Variants in FAM177A1 observed in about 807,000 individuals in gnomAD.
The protein encoded by FAM177A1 is family with sequence similarity 177 member A1, also known as protein FAM177A1.
In FAM177A1, 22 loss-of-function variants were observed where a neutral mutation model predicts 26.1. The observed-to-expected ratio is 0.84, with a 90% confidence interval of 0.60 to 1.20. The LOEUF is 1.20. Among genes scored for constraint, FAM177A1 ranks in the 50% most tolerant of loss-of-function variants. The pLI, the probability that FAM177A1 is intolerant of heterozygous loss-of-function variation, is 0.00. For synonymous variants in FAM177A1, 95 were observed against 99.3 expected (o/e 0.96, Z 0.26); for missense variants, 296 against 291.1 (o/e 1.02, Z -0.12).
chr14:35,064,736 C>T (rs916158499), intron 2 of FAM177A1, among the ~76,000 whole-genome samples: 38 of 150,612 alleles, frequency 2.5e-4, no homozygotes, highest in African/African-American at 7.6e-4. Context: ...CTGCAAGCTC[C>T]GCCTCCCAGG....
intron 2 of FAM177A1, among the ~76,000 whole-genome samples, chr14:35,057,068 G>A (rs1192641625): frequency 1.3e-5 from 2 of 152,032 alleles, no homozygotes; most frequent in Non-Finnish European, 2.9e-5. Context: ...GCTCTTGCCT[G>A]TATTATTTCC....
intron 3 of FAM177A1, among the ~76,000 whole-genome samples, chr14:35,077,457 G>T: frequency 7.0e-6 from 1 of 143,348 alleles, no homozygotes; most frequent in Non-Finnish European, 1.5e-5. Context: ...TTTAGATATG[G>T]TTTTCAAGTT....
chr14:35,073,887 T>C (rs763547563), intron 2 of FAM177A1, among the ~76,000 whole-genome samples: 34 of 152,206 alleles, frequency 2.2e-4, no homozygotes, highest in Non-Finnish European at 3.1e-4. Flanking sequence ...TAGGGCACTT[T>C]GATCTCCACT....
At chr14:35,063,299 A>G (rs1340177099) in intron 2 of FAM177A1, among the ~76,000 whole-genome samples, 3 of 145,304 alleles carry the variant, frequency 2.1e-5, no homozygotes, top group African/African-American at 7.8e-5. Context: ...GGGGCCAGGC[A>G]TGGTGGCTCT....
chr14:35,074,609 A>G (rs1305957075), intron 2 of FAM177A1, among the ~76,000 whole-genome samples: 1 of 151,718 alleles, frequency 6.6e-6, no homozygotes, highest in Non-Finnish European at 1.5e-5. Flanking sequence ...TACAGACGTG[A>G]GCCACTGCGC....
intron 2 of FAM177A1, among the ~76,000 whole-genome samples, chr14:35,057,671 C>T (rs942297722): frequency 9.2e-5 from 14 of 152,188 alleles, no homozygotes; most frequent in African/African-American, 2.9e-4. Context: ...TGAGCCACTG[C>T]GCCCAGCCTA....
At chr14:35,057,255 C>G (rs2045076126) in intron 2 of FAM177A1, among the ~76,000 whole-genome samples, 1 of 152,110 alleles carries the variant, frequency 6.6e-6, no homozygotes, top group Non-Finnish European at 1.5e-5. Context: ...CAAATGGGGT[C>G]CTGCTATATT....
chr14:35,072,372 GTCT>G (rs1412212239), intron 2 of FAM177A1, among the ~76,000 whole-genome samples: 1 of 152,156 alleles, frequency 6.6e-6, no homozygotes, highest in Non-Finnish European at 1.5e-5. Flanking sequence ...ATCATCATAA[GTCT>G]TCTTCCTCAT....
chr14:35,048,485 TC>T (rs1241025634), intron 1 of FAM177A1, among the ~76,000 whole-genome samples: 1 of 151,714 alleles, frequency 6.6e-6, no homozygotes, highest in Admixed American at 6.6e-5. Context: ...CTTCATGTTC[TC>T]ATTCCCCAAA....
intron 2 of FAM177A1, among the ~76,000 whole-genome samples, chr14:35,056,560 T>C (rs2045065297): frequency 6.6e-6 from 1 of 152,074 alleles, no homozygotes; most frequent in African/African-American, 2.4e-5. Context: ...GGTTTCAACA[T>C]GTTGGTCAGG....
rs746625416 is a variant in FAM177A1, at chr14:35,081,062, C to A, written c.545C>A (p.Ala182Glu). 6.2e-7 allele frequency: 1 copy of A among 1,611,506 alleles called. No homozygotes were observed. Among genetic ancestry groups the A allele is most frequent in the Non-Finnish European group, 8.5e-7 (1 of 1,179,118 alleles). Residue 182 changes from alanine to glutamate, a missense_variant, in exon 5 of 5, where the codon GCA becomes GAA. Coordinates refer to ENST00000280987, the MANE Select transcript of FAM177A1 (RefSeq NM_173607.5). ...GAAGAAAACAGGATGTCTGAAGAAG[C>A]AGAAAAACAATATCAACAGAATAAA... is the stretch of plus-strand genomic sequence containing the variant. ...EEEENRMSEE[A>E]EKQYQQNKLQ... is the part of the protein sequence containing the mutation.
intron 2 of FAM177A1, among the ~76,000 whole-genome samples, chr14:35,075,237 A>G (rs558353772): frequency 2.6e-5 from 4 of 152,308 alleles, no homozygotes; most frequent in South Asian, 4.1e-4. Flanking sequence ...GTAGGTGTGC[A>G]TTGTGGATTG....
chr14:35,053,144 A>C (rs79698726), intron 1 of FAM177A1, 134 bp from the exon 2 acceptor site: 201,730 of 721,378 alleles, frequency 0.28, 29,244 homozygotes, highest in East Asian at 0.39. Context: ...GAGTGAGACC[A>C]TGTCTCAGAA....
At chr14:35,057,724 G>A (rs957665741) in intron 2 of FAM177A1, among the ~76,000 whole-genome samples, 3 of 151,204 alleles carry the variant, frequency 2.0e-5, no homozygotes, top group Non-Finnish European at 4.4e-5. Context: ...TTTTCCTTTT[G>A]GTTTTCTTCC....
At chr14:35,072,303 T>G (rs191025879) in intron 2 of FAM177A1, among the ~76,000 whole-genome samples, 2 of 151,780 alleles carry the variant, frequency 1.3e-5, no homozygotes, top group African/African-American at 4.8e-5. Flanking sequence ...GGAAAAAGGG[T>G]TAAGAAAATT....
intron 3 of FAM177A1, among the ~76,000 whole-genome samples, chr14:35,077,909 A>G (rs1311836370): frequency 1.3e-5 from 2 of 152,162 alleles, no homozygotes; most frequent in Non-Finnish European, 2.9e-5. Flanking sequence ...TTATATTTCT[A>G]TTTCATTAAT....
intron 2 of FAM177A1, among the ~76,000 whole-genome samples, chr14:35,070,132 AAAAAAAAAAAAAAAAAAAG>A (rs1281993508): frequency 1.0e-5 from 1 of 98,438 alleles, no homozygotes; most frequent in African/African-American, 3.6e-5. Flanking sequence ...AAAAAAAAAA[AAAAAAAAAAAAAAAAAAAG>A]AAGTGAAGAC....
Position 35,046,646 on chromosome 14 carries a change from G to A in FAM177A1, c.165+18G>A, listed in dbSNP as rs1198581395. 3 of 1,523,228 alleles carry A rather than the reference G, an allele frequency of 2.0e-6. No homozygotes were observed. The highest frequency in any genetic ancestry group is 1.4e-5 in the African/African-American group (1 of 71,376). The allele number at this position is 1,523,228 out of a possible 1,614,324, so 94.4% of individuals were successfully genotyped here. A position where few individuals can be genotyped will look rare whatever the true frequency, so the allele number is the denominator to read the frequency against. On this transcript the variant is annotated intron_variant, in intron 1 of 4. Transcript: ENST00000280987. Reference sequence around the variant, plus strand: ...CAGGGCAGGTAGGTGGGGCCGCCGAGGCTGACGTCCGGGGAGCCGAGCCGC... The same window carrying A: ...CAGGGCAGGTAGGTGGGGCCGCCGAAGCTGACGTCCGGGGAGCCGAGCCGC...
At chr14:35,066,593 C>T (rs574706415) in intron 2 of FAM177A1, among the ~76,000 whole-genome samples, 62 of 150,166 alleles carry the variant, frequency 4.1e-4, no homozygotes, top group Middle Eastern at 3.6e-3. Flanking sequence ...TTAGTAGAGA[C>T]GAGGTTTCAC....
Sources: allele counts gnomAD v4.1 joint callset (sites outside exome capture counted in the v4.1 genomes callset), GRCh38; gene constraint gnomAD v4.1.1; transcripts MANE v1.5; gene names NCBI Gene and HGNC (gene_info 2026-07-23, HGNC 2026-07-21).